SPAG9: variants seen among roughly 807,000 people sequenced by gnomAD.
SPAG9 encodes C-Jun-amino-terminal kinase-interacting protein 4.
Under a neutral mutation model 166.5 loss-of-function variants are expected in SPAG9, and 35 were observed. The observed-to-expected ratio is 0.21, with a 90% CI of 0.16 to 0.28. The LOEUF (loss-of-function observed/expected upper bound fraction) is 0.28. SPAG9 is among the 10% of genes least tolerant of loss of function. The pLI is 1.00. For missense variants in SPAG9, 1,235 were observed against 1,603.3 expected (o/e 0.77, Z 3.92); for synonymous variants, 534 against 565.5 (o/e 0.94, Z 0.79).
chr17:51,089,633 T>C (rs1378243837), intron 1 of SPAG9, among the ~76,000 whole-genome samples: 8 of 73,054 alleles, frequency 1.1e-4, no homozygotes, highest in Non-Finnish European at 1.8e-4. Context: ...TATATATATA[T>C]ATATATATAT....
In SPAG9 at chr17:51,089,645, T is replaced by C. The variant is rs1309699631; in HGVS notation, c.304-9941A>G. Among the ~76,000 whole-genome samples, 8 of 90,286 alleles carry C rather than the reference T, an allele frequency of 8.9e-5. 1 individual carries two copies. The highest frequency in any genetic ancestry group is 4.4e-4 in the African/African-American group (8 of 18,358). 59.2% of individuals were successfully genotyped at this position (90,286 alleles called of 152,430 possible). A position where few individuals can be genotyped will look rare whatever the true frequency, so the allele number is the denominator to read the frequency against. Reference sequence around the variant, plus strand: ...TTATATATATATATATATATATATATATATATATATATATATATACACATA... The same window carrying C: ...TTATATATATATATATATATATATACATATATATATATATATATACACATA... On this transcript the variant is annotated intron_variant, in intron 1 of 29. Transcript: ENST00000262013.
At chr17:51,022,711 G>A (rs930757698) in intron 6 of SPAG9, among the ~76,000 whole-genome samples, 4 of 151,566 alleles carry the variant, frequency 2.6e-5, no homozygotes, top group African/African-American at 4.8e-5. Flanking sequence ...CACTTTTGGA[G>A]GCCGAGGCAG....
chr17:51,087,643 G>A (rs1287150605), intron 1 of SPAG9, among the ~76,000 whole-genome samples: 1 of 152,178 alleles, frequency 6.6e-6, no homozygotes, highest in Non-Finnish European at 1.5e-5. Context: ...TAGTTGGGCT[G>A]GTAGCACATG....
chr17:50,996,758 A>C (rs999251318), intron 15 of SPAG9, 64 bp from the exon 16 acceptor site: 6 of 1,539,916 alleles, frequency 3.9e-6, no homozygotes, highest in African/African-American at 1.4e-5. Flanking sequence ...CCCCAGTTTT[A>C]TCTCTCCTCT....
chr17:51,117,013 A>G (rs1483900980), intron 1 of SPAG9, among the ~76,000 whole-genome samples: 2 of 152,304 alleles, frequency 1.3e-5, no homozygotes, highest in Middle Eastern at 3.4e-3. Context: ...GTGATGGGCG[A>G]TAAGATGACA....
At chr17:51,090,756 A>C (rs1286059867) in intron 1 of SPAG9, among the ~76,000 whole-genome samples, 2 of 152,220 alleles carry the variant, frequency 1.3e-5, no homozygotes, top group Non-Finnish European at 2.9e-5. Context: ...GATGGCTGAT[A>C]TTTCTGTTAC....
At chr17:51,077,573 T>A (rs558470984) in intron 2 of SPAG9, among the ~76,000 whole-genome samples, 14 of 152,304 alleles carry the variant, frequency 9.2e-5, no homozygotes, top group African/African-American at 3.4e-4. Context: ...ATGAATAGTA[T>A]TCATAGTAAT....
At chr17:51,095,966 T>TAGTG (rs1446719930) in intron 1 of SPAG9, among the ~76,000 whole-genome samples, 1 of 101,916 alleles carries the variant, frequency 9.8e-6, no homozygotes, top group African/African-American at 5.2e-5. Flanking sequence ...GTGATATATA[T>TAGTG]ATATAGTGAT....
rs568928274 is a variant in SPAG9 at position 50,966,242 on chromosome 17, C to T, written c.*30G>A. ...AAAATAAACCATGCAGAAGAGACGG[C>T]TTCCCCATCTCCACCTGTTTCCCAT... On this transcript the variant is annotated 3_prime_UTR_variant, in exon 30 of 30. Transcript: ENST00000262013. The T allele has an allele frequency of 8.5e-6, 11 of 1,289,462 alleles. No individual in the cohort carries two copies. The East Asian group carries it at 2.3e-4, about 27-fold the overall frequency. 79.9% of individuals were successfully genotyped at this position (1,289,462 alleles called of 1,614,324 possible). A position where few individuals can be genotyped will look rare whatever the true frequency, so the allele number is the denominator to read the frequency against.
At chr17:51,022,740 G>A (rs2045989941) in intron 6 of SPAG9, among the ~76,000 whole-genome samples, 2 of 151,406 alleles carry the variant, frequency 1.3e-5, no homozygotes, top group Non-Finnish European at 2.9e-5. Flanking sequence ...CCTGAGGTCG[G>A]GAGTTCAAGA....
chr17:51,052,347 A>G (rs2047205090), intron 3 of SPAG9, among the ~76,000 whole-genome samples: 1 of 152,242 alleles, frequency 6.6e-6, no homozygotes, highest in Non-Finnish European at 1.5e-5. Flanking sequence ...ATGTATAAAC[A>G]GAAAAAATTG....
At chr17:51,067,607 C>T (rs948746642) in intron 2 of SPAG9, among the ~76,000 whole-genome samples, 1 of 152,060 alleles carries the variant, frequency 6.6e-6, no homozygotes, top group Non-Finnish European at 1.5e-5. Context: ...AAAACTAGCT[C>T]CAAGCCGAGA....
chr17:50,996,611 C>T lies in SPAG9; in HGVS notation c.1922G>A (p.Gly641Asp), dbSNP rs2044693275. 3.1e-6 allele frequency: 5 copies of T among 1,614,048 alleles called. No homozygotes were observed. Among genetic ancestry groups the T allele is most frequent in the Admixed American group, 3.3e-5 (2 of 59,996 alleles). Residue 641 changes from glycine to aspartate, a missense_variant, in exon 16 of 30, where the codon GGT becomes GAT. Physicochemically the swap from Gly to Asp is moderately conservative, Grantham distance 94 (BLOSUM62 -1). This residue lies in a region of SPAG9 where 493 missense variants were observed against 559.4 expected (regional missense o/e 0.88). Transcript: ENST00000262013. ...ACTCCAGCCAAAAGCCTGCACTCTA[C>T]CGTCTTCCTTCTGAACATGTGCTTT... ...QVKAHVQKED[G>D]RVQAFGWSLP...
intron 28 of SPAG9, 49 bp downstream of exon 28, chr17:50,974,722 A>C: frequency 6.7e-7 from 1 of 1,493,076 alleles, no homozygotes; most frequent in South Asian, 1.3e-5. Context: ...AAGAGATGAC[A>C]GAAGAGAGAC....
chr17:51,049,117 G>A (rs981929658), intron 3 of SPAG9, among the ~76,000 whole-genome samples: 4 of 152,092 alleles, frequency 2.6e-5, no homozygotes, highest in Admixed American at 6.6e-5. Flanking sequence ...AGTGGCTCAC[G>A]CCTGTAATCC....
intron 19 of SPAG9, among the ~76,000 whole-genome samples, chr17:50,991,255 A>G (rs568841253): frequency 6.6e-6 from 1 of 152,170 alleles, no homozygotes; most frequent in South Asian, 2.1e-4. Context: ...ACAATCTATT[A>G]TATCTGACAA....
At chr17:51,037,665 T>TATATATA (rs2046646737) in intron 5 of SPAG9, among the ~76,000 whole-genome samples, 32 of 92,930 alleles carry the variant, frequency 3.4e-4, no homozygotes, top group African/African-American at 1.1e-3. Context: ...TATATGTGTT[T>TATATATA]TATATATATA....
At position 50,966,361 on chromosome 17, in the gene SPAG9, G is replaced by C. The variant is rs1199441261; in HGVS notation, c.3877C>G (p.Leu1293Val). The C allele has an allele frequency of 1.2e-6, 2 of 1,613,290 alleles. No individual in the cohort carries two copies. Among genetic ancestry groups the C allele is most frequent in the South Asian group, 2.2e-5 (2 of 91,070 alleles). ...GGTTCAAGTGGAAGATCCTCTCCAA[G>C]AAGTTCTGATTCTCCACCTTCATCA... is the stretch of plus-strand genomic sequence containing the variant. ...MGDEGGESEL[L>V]GEDLPLEPSV... The change falls in exon 30 of 30, where the codon CTT becomes GTT. Residue 1293 changes from leucine to valine, a missense_variant. By Grantham distance (32) the Leu-to-Val change is conservative (BLOSUM62 1). This residue lies in a region of SPAG9 where 243 missense variants were observed against 358.6 expected (regional missense o/e 0.68). Transcript: ENST00000262013.
At chr17:51,105,107 GATAAATAA>G (rs200736089) in intron 1 of SPAG9, among the ~76,000 whole-genome samples, 20 of 151,410 alleles carry the variant, frequency 1.3e-4, no homozygotes, top group Admixed American at 4.0e-4. Flanking sequence ...AAAATAAATA[GATAAATAA>G]ATAAATAAAT....
Sources: gnomAD v4.1 joint callset for allele counts (sites outside exome capture counted in the v4.1 genomes callset) on GRCh38, gnomAD v4.1.1 for gene constraint, gnomAD v4.1.1 regional missense constraint, MANE v1.5 for transcripts, NCBI Gene and HGNC (gene_info 2026-07-23, HGNC 2026-07-21) for gene names.